Variants in UBE2D3 observed in about 807,000 individuals in gnomAD.
The protein encoded by UBE2D3 is ubiquitin conjugating enzyme E2 D3, also known as ubiquitin-conjugating enzyme E2 D3.
UBE2D3 carries 2 observed loss-of-function variants against 22.8 expected under a neutral mutation model. That is an observed-to-expected ratio of 0.09 (90% CI 0.04 to 0.28). The LOEUF is 0.28. Ranked by LOEUF, UBE2D3 falls within the 10% of genes least tolerant of loss-of-function variation. UBE2D3 has a pLI of 1.00. For synonymous variants in UBE2D3, 56 were observed against 60.4 expected (o/e 0.93, Z 0.34); for missense variants, 27 against 182.5 (o/e 0.15, Z 4.91).
intron 1 of UBE2D3, among the ~76,000 whole-genome samples, chr4:102,855,499 C>T (rs72933522): frequency 2.0e-3 from 305 of 152,330 alleles, no homozygotes; most frequent in African/African-American, 7.1e-3. Context: ...TCACTTCATG[C>T]AGCCTTGAAC....
intron 2 of UBE2D3, chr4:102,812,901 A>G (rs964290193): frequency 2.0e-5 from 3 of 152,228 alleles, no homozygotes; most frequent in African/African-American, 4.8e-5. Flanking sequence ...AGTATTATAG[A>G]CTACAGTCAA....
intron 1 of UBE2D3, among the ~76,000 whole-genome samples, chr4:102,840,010 T>A (rs1438634468): frequency 6.6e-6 from 1 of 152,164 alleles, no homozygotes. Flanking sequence ...AAATGCCCAA[T>A]AAGTATATGA....
At chr4:102,809,336 T>C (rs223418) in intron 4 of UBE2D3, 3 of 278,308 alleles carry the variant, frequency 1.1e-5, no homozygotes, top group Non-Finnish European at 2.1e-5. Context: ...ACGCATGGCA[T>C]ATCAGAGCCA....
At chr4:102,809,976 A>G in intron 2 of UBE2D3, 121 bp from the exon 3 acceptor site, 1 of 912,576 alleles carries the variant, frequency 1.1e-6, no homozygotes, top group Non-Finnish European at 1.8e-6. Flanking sequence ...CACAATTCAC[A>G]TAAATAATAT....
intron 4 of UBE2D3, among the ~76,000 whole-genome samples, chr4:102,806,548 T>C (rs183059451): frequency 2.0e-3 from 310 of 152,302 alleles, no homozygotes; most frequent in Non-Finnish European, 3.3e-3. Flanking sequence ...AATAAAATAG[T>C]ACCTATGGAC....
intron 1 of UBE2D3, chr4:102,868,578 G>C (rs1278582816): frequency 9.7e-7 from 1 of 1,031,616 alleles, no homozygotes; most frequent in Non-Finnish European, 1.5e-6. Flanking sequence ...TTGGGTGAAG[G>C]AGTAAAATTA....
intron 2 of UBE2D3, among the ~76,000 whole-genome samples, chr4:102,822,762 T>TGCCTCTACTATAAAAACAAAAAAATTA (rs1729822007): frequency 1.4e-5 from 2 of 147,384 alleles, no homozygotes; most frequent in African/African-American, 5.1e-5. Flanking sequence ...GGTGAAACCC[T>TGCCTCTACTATAAAAACAAAAAAATTA]GCCTCTACTA....
chr4:102,805,541 C>T (rs1202154004), intron 4 of UBE2D3, among the ~76,000 whole-genome samples: 14 of 149,828 alleles, frequency 9.3e-5, no homozygotes, highest in African/African-American at 3.2e-4. Flanking sequence ...GGCTGGAGTG[C>T]AGTGGTGTGA....
chr4:102,826,561 C>A lies in UBE2D3; in HGVS notation c.-53G>T. On this transcript the variant is annotated 5_prime_UTR_variant, in exon 2 of 8. Coordinates refer to ENST00000453744, the MANE Select transcript of UBE2D3 (RefSeq NM_181891.3). ...CTCTCTCGGTGTATGCTCAAAGGTC[C>A]GGCCAAAACTCTTGATTATCCCGGC... is the stretch of plus-strand genomic sequence containing the variant. 1 of 1,609,658 alleles carries A rather than the reference C, an allele frequency of 6.2e-7. No homozygotes were observed. Among genetic ancestry groups the A allele is most frequent in the Non-Finnish European group, 8.5e-7 (1 of 1,179,638 alleles).
chr4:102,799,009 TAA>T (rs1725696625), intron 7 of UBE2D3: 2 of 1,585,978 alleles, frequency 1.3e-6, no homozygotes, highest in Non-Finnish European at 1.7e-6. Context: ...GCATTAATTA[TAA>T]CATATGAAAG....
In UBE2D3 at chr4:102,825,666, CATTTCA is replaced by C. The variant is rs1399710248; in HGVS notation, c.24+813_24+818del. The C allele has an allele frequency of 7.7e-6, 7 of 910,698 alleles. No individual in the cohort carries two copies. In the African/African-American group the frequency reaches 1.2e-4, roughly 16 times the overall value. The allele number at this position is 910,698 out of a possible 1,614,324, so 56.4% of individuals were successfully genotyped here. A position where few individuals can be genotyped will look rare whatever the true frequency, so the allele number is the denominator to read the frequency against. On this transcript the variant is annotated intron_variant, in intron 2 of 7. Coordinates refer to ENST00000453744, the MANE Select transcript of UBE2D3 (RefSeq NM_181891.3). ...AAATCGATAATATACTATCAAACCA[CATTTCA>C]AGTAACGAAACAAGGGTGTTATTAA...
chr4:102,809,610 T>C, intron 4 of UBE2D3, 62 bp downstream of exon 4: 2 of 1,488,298 alleles, frequency 1.3e-6, no homozygotes, highest in East Asian at 4.7e-5. Context: ...AAGTTAAAAA[T>C]TACAACCAAA....
chr4:102,828,094 C>CG (rs1730867304), upstream of UBE2D3: 1 of 985,342 alleles, frequency 1.0e-6, no homozygotes, highest in South Asian at 4.7e-5. Flanking sequence ...AGTAAGGCAC[C>CG]GGCTCGAACT....
chr4:102,804,761 G>A (rs1293053535), intron 4 of UBE2D3, among the ~76,000 whole-genome samples: 1 of 152,084 alleles, frequency 6.6e-6, no homozygotes, highest in African/African-American at 2.4e-5. Flanking sequence ...GCAACCCTCT[G>A]CCTCCTGGGA....
At chr4:102,809,420 T>C (rs1727597977) in intron 4 of UBE2D3, 1 of 476,482 alleles carries the variant, frequency 2.1e-6, no homozygotes, top group African/African-American at 2.0e-5. Context: ...AAAACTGAAC[T>C]GAGATACAGA....
chr4:102,861,157 G>C (rs1732879226), intron 1 of UBE2D3, among the ~76,000 whole-genome samples: 1 of 151,992 alleles, frequency 6.6e-6, no homozygotes, highest in South Asian at 2.1e-4. Context: ...GAACTCATGG[G>C]CCAAAAGGGC....
chr4:102,865,348 C>T (rs1352217121), intron 1 of UBE2D3, among the ~76,000 whole-genome samples: 2 of 151,852 alleles, frequency 1.3e-5, no homozygotes, highest in Admixed American at 1.3e-4. Flanking sequence ...AAAAATTAGC[C>T]GGGAGTGGTG....
chr4:102,803,430 T>C (rs957462650), intron 4 of UBE2D3, among the ~76,000 whole-genome samples: 12 of 152,212 alleles, frequency 7.9e-5, no homozygotes, highest in African/African-American at 2.2e-4. Context: ...GCTTTGTATA[T>C]ACAGCTATAT....
In UBE2D3 at chr4:102,826,583, C is replaced by G; in HGVS notation, c.-75G>C. 2 of 1,604,360 alleles carry G rather than the reference C, an allele frequency of 1.2e-6. No individual in the cohort carries two copies. The highest frequency in any genetic ancestry group is 8.5e-7 in the Non-Finnish European group (1 of 1,178,802). The stretch of plus-strand genomic sequence containing the variant: ...GTCCGGCCAAAACTCTTGATTATCC[C>G]GGCGGCGGGGCAGGATTGTCTCGTC... On this transcript the variant is annotated 5_prime_UTR_variant, in exon 2 of 8. Coordinates refer to ENST00000453744, the MANE Select transcript of UBE2D3 (RefSeq NM_181891.3).
Sources: gnomAD v4.1 joint callset for allele counts (sites outside exome capture counted in the v4.1 genomes callset) on GRCh38, gnomAD v4.1.1 for gene constraint, MANE v1.5 for transcripts, NCBI Gene and HGNC (gene_info 2026-07-23, HGNC 2026-07-21) for gene names.